GPRC6A: variants seen among roughly 807,000 people sequenced by gnomAD.
The protein encoded by GPRC6A is G protein-coupled receptor class C group 6 member A.
A neutral mutation model predicts 47.0 loss-of-function variants in GPRC6A; 54 were observed. The ratio of observed to expected loss-of-function variants is 1.15; its 90% CI spans 0.92 to 1.44. GPRC6A has a LOEUF of 1.44. GPRC6A is among the 40% of genes most tolerant of loss of function. The probability of loss-of-function intolerance (pLI) is 0.00; values close to 1 mark genes in which losing one functional copy is unlikely to be tolerated. For missense variants in GPRC6A, 1,112 were observed against 1,105.5 expected, an observed-to-expected ratio of 1.01 and a Z score of -0.08; for synonymous variants, 347 against 377.1, an observed-to-expected ratio of 0.92 and a Z score of 0.93.
intron 1 of GPRC6A, among the ~76,000 whole-genome samples, chr6:116,820,402 C>G (rs889692619): frequency 1.6e-3 from 248 of 151,998 alleles, no homozygotes; most frequent in African/African-American, 5.6e-3. Flanking sequence ...AGAGACACAA[C>G]CAAAAAAGAG....
chr6:116,794,908 C>T (rs1047470397), intron 5 of GPRC6A, among the ~76,000 whole-genome samples: 2 of 152,082 alleles, frequency 1.3e-5, no homozygotes, highest in African/African-American at 4.8e-5. Flanking sequence ...CATTGGTATA[C>T]TTCTCTTCTT....
rs182764668 is a variant in GPRC6A, at chr6:116,799,163, T to C, written c.1548+1421A>G. 6.5e-4 allele frequency among the ~76,000 whole-genome samples: 99 copies of C among 152,286 alleles called. 1 individual carries two copies. Among genetic ancestry groups the C allele is most frequent in the South Asian group, 8.3e-4 (4 of 4,824 alleles). ...TTGGGAGAGAATATCAGTTCTGTTT[T>C]GGAGATTTAAGTTGACTGCTACGCA... On this transcript the variant is annotated intron_variant, in intron 4 of 5. Coordinates refer to ENST00000310357, the MANE Select transcript of GPRC6A (RefSeq NM_148963.4).
At chr6:116,800,529 G>T in intron 4 of GPRC6A, 55 bp downstream of exon 4, 1 of 1,085,738 alleles carries the variant, frequency 9.2e-7, no homozygotes, top group Non-Finnish European at 1.4e-6. Flanking sequence ...AAGGACTTTT[G>T]CAGTTGAGGT....
At chr6:116,794,815 A>C (rs998632859) in intron 5 of GPRC6A, among the ~76,000 whole-genome samples, 3 of 152,212 alleles carry the variant, frequency 2.0e-5, no homozygotes, top group African/African-American at 7.2e-5. Context: ...ATGCAGATAC[A>C]TATAAAGTTT....
chr6:116,800,931 G>A, intron 3 of GPRC6A, 135 bp from the exon 4 acceptor site: 1 of 632,330 alleles, frequency 1.6e-6, no homozygotes, highest in Non-Finnish European at 2.7e-6. Context: ...ACTGGTTGGA[G>A]AATTCTTAAC....
intron 1 of GPRC6A, among the ~76,000 whole-genome samples, chr6:116,826,039 A>T (rs1385869270): frequency 6.6e-6 from 1 of 151,928 alleles, no homozygotes; most frequent in Non-Finnish European, 1.5e-5. Flanking sequence ...TACAAAAATC[A>T]ACTCTAGGTG....
At chr6:116,819,998 T>C (rs1408013625) in intron 1 of GPRC6A, among the ~76,000 whole-genome samples, 1 of 149,978 alleles carries the variant, frequency 6.7e-6, no homozygotes, top group African/African-American at 2.5e-5. Flanking sequence ...AAGAATCAAA[T>C]AGATGCAATA....
intron 2 of GPRC6A, among the ~76,000 whole-genome samples, chr6:116,808,728 C>T (rs948282091): frequency 2.6e-5 from 4 of 151,994 alleles, no homozygotes; most frequent in African/African-American, 7.3e-5. Context: ...AAATCAGTGA[C>T]GTAGAGAGTT....
Position 116,792,733 on chromosome 6 carries a change from T to A in GPRC6A, c.2190A>T (p.Val730=). Residue 730 remains valine, a synonymous_variant, in exon 6 of 6, where the codon GTA becomes GTT. Coordinates refer to ENST00000310357, the MANE Select transcript of GPRC6A (RefSeq NM_148963.4). ...CTCTGGGCAAGGAGACATTCACCTC[T>A]ACAGTAGGTGCTGCAAAGATTAGCC... is the stretch of plus-strand genomic sequence containing the variant. ...TLWLIFAAPT[V]EVNVSLPRVI... 6.2e-7 allele frequency: 1 copy of A among 1,613,742 alleles called. No homozygotes were observed. Among genetic ancestry groups the A allele is most frequent in the Non-Finnish European group, 8.5e-7 (1 of 1,179,784 alleles).
rs1554263527 is a variant in GPRC6A at position 116,818,532 on chromosome 6, T to TCAAAAAAAAAAAAAAAAAAA, written c.195-8916_195-8915insTTTTTTTTTTTTTTTTTTTG. Among the ~76,000 whole-genome samples, 6 of 15,508 alleles carry TCAAAAAAAAAAAAAAAAAAA rather than the reference T, an allele frequency of 3.9e-4. 1 individual carries two copies. Among genetic ancestry groups the TCAAAAAAAAAAAAAAAAAAA allele is most frequent in the Admixed American group, 1.7e-3 (2 of 1,190 alleles). 10.2% of individuals were successfully genotyped at this position (15,508 alleles called of 152,430 possible). Reference sequence around the variant, plus strand: ...CTGGGCGACAGAGCGAGACTCCGTCTAAAAAAAAAAAAAAAAAAAAAAAAA... The same window carrying TCAAAAAAAAAAAAAAAAAAA: ...CTGGGCGACAGAGCGAGACTCCGTCTCAAAAAAAAAAAAAAAAAAAAAAAAAAAAAAAAAAAAAAAAAAAA... On this transcript the variant is annotated intron_variant, in intron 1 of 5. Coordinates refer to ENST00000310357, the MANE Select transcript of GPRC6A (RefSeq NM_148963.4).
intron 1 of GPRC6A, among the ~76,000 whole-genome samples, chr6:116,822,883 C>G (rs1723065258): frequency 7.5e-6 from 1 of 133,706 alleles, no homozygotes; most frequent in Non-Finnish European, 1.6e-5. Context: ...GAAACAATTA[C>G]TAGTCTCTAA....
At chr6:116,822,641 T>G (rs1287456979) in intron 1 of GPRC6A, among the ~76,000 whole-genome samples, 7 of 145,398 alleles carry the variant, frequency 4.8e-5, no homozygotes, top group Non-Finnish European at 9.0e-5. Context: ...TATTCTCACT[T>G]ATAGGTGGGA....
intron 1 of GPRC6A, among the ~76,000 whole-genome samples, chr6:116,825,503 A>G (rs145871430): frequency 6.6e-6 from 1 of 152,138 alleles, no homozygotes; most frequent in East Asian, 1.9e-4. Context: ...GAATAAATTT[A>G]ACCAAGGAGG....
Position 116,792,817 on chromosome 6 carries a change from A to G in GPRC6A, c.2106T>C (p.Tyr702=), listed in dbSNP as rs755592284. ...PKLQKFLKCL[Y]RPILIIFTCT... The stretch of plus-strand genomic sequence containing the variant: ...AAGTGAAGATAATAAGGATCGGTCT[A>G]TAGAGGCACTTCAGAAATTTCTGTA... Residue 702 remains tyrosine (Y), a synonymous_variant, in exon 6 of 6, where the codon TAT becomes TAC. Transcript: ENST00000310357. 1.2e-6 allele frequency: 2 copies of G among 1,614,108 alleles called. No homozygotes were observed. The highest frequency in any genetic ancestry group is 1.3e-5 in the African/African-American group (1 of 75,040).
Position 116,792,137 on chromosome 6 carries a change from CTTATT to C in GPRC6A, c.2781_*4del, listed in dbSNP as rs774174107. ...TTCTGGAATGTGGCATCTCCTAAGG[CTTATT>C]CATATACTTGACATTCTTTTTCGAG... On this transcript the variant is annotated stop_lost and 3_prime_UTR_variant, in exon 6 of 6. Coordinates refer to ENST00000310357, the MANE Select transcript of GPRC6A (RefSeq NM_148963.4). 6.2e-7 allele frequency: 1 copy of C among 1,607,552 alleles called. No homozygotes were observed. The highest frequency in any genetic ancestry group is 8.5e-7 in the Non-Finnish European group (1 of 1,176,374).
intron 2 of GPRC6A, among the ~76,000 whole-genome samples, chr6:116,808,508 A>G (rs1411705810): frequency 1.3e-5 from 2 of 152,136 alleles, no homozygotes; most frequent in African/African-American, 4.8e-5. Flanking sequence ...TCACTAGGCT[A>G]TAATATAATG....
chr6:116,818,475 A>C (rs530200123), intron 1 of GPRC6A, among the ~76,000 whole-genome samples: 1 of 114,602 alleles, frequency 8.7e-6, no homozygotes, highest in Non-Finnish European at 1.7e-5. Context: ...CGGAGCTTGC[A>C]GTGAGCCGAG....
Position 116,792,911 on chromosome 6 carries a change from G to A in GPRC6A, c.2012C>T (p.Thr671Ile), listed in dbSNP as rs769185005. ...CGTCAAAATGCAGGAGATGCAAAGAGTAAAGCTCACTCCAAACATTGTCTG... is the reference window on the plus strand; with the variant it reads ...CGTCAAAATGCAGGAGATGCAAAGAATAAAGCTCACTCCAAACATTGTCTG... The part of the protein sequence containing the change: ...TRQTMFGVSF[T>I]LCISCILTKS... Residue 671 changes from threonine (T) to isoleucine (I), a missense_variant, in exon 6 of 6, where the codon ACT (threonine) becomes ATT (isoleucine). Transcript: ENST00000310357. The A allele has an allele frequency of 6.2e-7, 1 of 1,614,106 alleles. No individual in the cohort carries two copies. Among genetic ancestry groups the A allele is most frequent in the African/African-American group, 1.3e-5 (1 of 75,050 alleles).
intron 1 of GPRC6A, among the ~76,000 whole-genome samples, chr6:116,820,950 C>T (rs1773450592): frequency 6.6e-6 from 1 of 152,030 alleles, no homozygotes; most frequent in African/African-American, 2.4e-5. Context: ...GATTGTATAT[C>T]TAGAAAACCC....
Sources: gnomAD v4.1 joint callset for allele counts (sites outside exome capture counted in the v4.1 genomes callset) on GRCh38, gnomAD v4.1.1 for gene constraint, MANE v1.5 for transcripts, NCBI Gene and HGNC (gene_info 2026-07-23, HGNC 2026-07-21) for gene names.